The following SLAIN2 variants were observed in gnomAD, a reference collection of about 807,000 sequenced individuals.
SLAIN2 encodes SLAIN motif-containing protein 2.
In SLAIN2, 31 loss-of-function variants were observed where a neutral mutation model predicts 56.6. The observed-to-expected ratio is 0.55, with a 90% confidence interval of 0.41 to 0.74. SLAIN2 has a LOEUF of 0.74. Ranked by LOEUF, SLAIN2 falls within the 30% of genes least tolerant of loss-of-function variation. The pLI is 0.00. For synonymous variants in SLAIN2, 317 were observed against 284.9 expected, an observed-to-expected ratio of 1.11 and a Z score of -1.13; for missense variants, 777 against 754.2, an observed-to-expected ratio of 1.03 and a Z score of -0.35.
At chr4:48,404,019 T>G (rs1245166774) in intron 6 of SLAIN2, among the ~76,000 whole-genome samples, 2 of 152,210 alleles carry the variant, frequency 1.3e-5, no homozygotes, top group Admixed American at 1.3e-4. Context: ...GGGGCTCTCC[T>G]GGCTCCATGC....
intron 1 of SLAIN2, among the ~76,000 whole-genome samples, chr4:48,363,944 C>G (rs1413954816): frequency 5.9e-5 from 7 of 118,072 alleles, no homozygotes; most frequent in Admixed American, 5.6e-4. Flanking sequence ...CACCTCCCTC[C>G]CGGACGGGGC....
Position 48,426,172 on chromosome 4 carries a change from T to G in SLAIN2, c.*4095T>G, listed in dbSNP as rs1198620462. 1.3e-5 allele frequency: 2 copies of G among 152,034 alleles called. No homozygotes were observed. The highest frequency in any genetic ancestry group is 2.9e-5 in the Non-Finnish European group (2 of 67,984). 9.4% of individuals were successfully genotyped at this position (152,034 alleles called of 1,614,324 possible). On this transcript the variant is annotated 3_prime_UTR_variant, in exon 8 of 8. Transcript: ENST00000264313. ...TTTTTTTTTTTAAGGAGAAAATGTTTCTTTTAAATAAATGTTTCTTATGTA... is the reference window on the plus strand; with the variant it reads ...TTTTTTTTTTTAAGGAGAAAATGTTGCTTTTAAATAAATGTTTCTTATGTA...
rs1367935143 is a variant in SLAIN2 at position 48,342,645 on chromosome 4, A to G, written c.389+517A>G. On this transcript the variant is annotated intron_variant, in intron 1 of 7. Coordinates refer to ENST00000264313, the MANE Select transcript of SLAIN2 (RefSeq NM_020846.2). ...CGGGGATGGGGAGACCGTATGAATC[A>G]GCACTCCCCTTTGGGTAGTGGGGTA... Among the ~76,000 whole-genome samples the G allele has an allele frequency of 5.4e-5, 8 of 147,472 alleles. 1 individual carries two copies. Among genetic ancestry groups the G allele is most frequent in the Non-Finnish European group, 1.5e-5 (1 of 67,052 alleles).
In SLAIN2 at chr4:48,420,182, A is replaced by C; in HGVS notation, c.1418A>C (p.Gln473Pro). Residue 473 changes from glutamine to proline, a missense_variant, in exon 7 of 8, where the codon CAA becomes CCA. Gln to Pro is a moderately conservative substitution (Grantham distance 76). Transcript: ENST00000264313. The stretch of plus-strand genomic sequence containing the variant: ...GCACCATCTCCTTTGGCTCTTCGGC[A>C]ACCAGTGAAAGCATTTAGTAACCAT... ...PAAPSPLALR[Q>P]PVKAFSNHGS... is the part of the protein sequence containing the mutation. 1 of 1,613,988 alleles carries C rather than the reference A, an allele frequency of 6.2e-7. No homozygotes were observed. Among genetic ancestry groups the C allele is most frequent in the South Asian group, 1.1e-5 (1 of 91,084 alleles).
chr4:48,395,810 C>CTTTTT (rs10649464), intron 6 of SLAIN2, among the ~76,000 whole-genome samples: 23,783 of 72,118 alleles, frequency 0.33, 4,361 homozygotes, highest in African/African-American at 0.43. Context: ...GAACCTTAGG[C>CTTTTT]TTTTTTTTTT....
At chr4:48,376,486 G>A (rs1340783057) in intron 2 of SLAIN2, among the ~76,000 whole-genome samples, 2 of 148,614 alleles carry the variant, frequency 1.3e-5, no homozygotes, top group African/African-American at 4.9e-5. Context: ...ATTGAAGGAA[G>A]AAATAGTATT....
At position 48,341,885 on chromosome 4, in the gene SLAIN2, C is replaced by T. The variant is rs963786237; in HGVS notation, c.146C>T (p.Pro49Leu). 1 of 1,513,936 alleles carries T rather than the reference C, an allele frequency of 6.6e-7. No individual in the cohort carries two copies. The highest frequency in any genetic ancestry group is 8.8e-7 in the Non-Finnish European group (1 of 1,132,084). The allele number at this position is 1,513,936 out of a possible 1,614,324, so 93.8% of individuals were successfully genotyped here. A position where few individuals can be genotyped will look rare whatever the true frequency, so the allele number is the denominator to read the frequency against. The change falls in exon 1 of 8, where the codon CCG becomes CTG. Residue 49 changes from proline (P) to leucine (L), a missense_variant. Physicochemically the swap from Pro to Leu is moderately conservative, Grantham distance 98 (BLOSUM62 -3). Coordinates refer to ENST00000264313, the MANE Select transcript of SLAIN2 (RefSeq NM_020846.2). ...QGAGSLGPGS[P>L]VRAGASIPSS... ...GCCGGCTCCCTTGGGCCCGGCAGCC[C>T]GGTTCGGGCCGGCGCGTCCATTCCC...
chr4:48,365,421 C>T (rs536733370), intron 1 of SLAIN2, among the ~76,000 whole-genome samples: 66 of 124,974 alleles, frequency 5.3e-4, no homozygotes, highest in Non-Finnish European at 8.9e-4. Flanking sequence ...GAGCCGAGAT[C>T]GCAACAGAGC....
At chr4:48,360,292 C>T (rs1305062788) in intron 1 of SLAIN2, among the ~76,000 whole-genome samples, 1 of 151,814 alleles carries the variant, frequency 6.6e-6, no homozygotes, top group Admixed American at 6.6e-5. Flanking sequence ...AAAATGCACA[C>T]GTTTAAAGTG....
At chr4:48,370,283 CTA>C (rs1268488499) in intron 2 of SLAIN2, among the ~76,000 whole-genome samples, 2 of 152,136 alleles carry the variant, frequency 1.3e-5, no homozygotes, top group Non-Finnish European at 2.9e-5. Context: ...AGTTAAATAA[CTA>C]TTAAAATATA....
chr4:48,382,111 C>A (rs1239227687), intron 4 of SLAIN2, among the ~76,000 whole-genome samples: 1 of 152,132 alleles, frequency 6.6e-6, no homozygotes, highest in Non-Finnish European at 1.5e-5. Flanking sequence ...TTCTTTGGTA[C>A]TTTATCATCT....
intron 1 of SLAIN2, among the ~76,000 whole-genome samples, chr4:48,351,533 C>CA (rs946638036): frequency 1.3e-5 from 2 of 152,042 alleles, no homozygotes; most frequent in African/African-American, 2.4e-5. Context: ...AAGCAAAACC[C>CA]AAAAAACTGA....
At chr4:48,381,727 T>C (rs1715977452) in intron 4 of SLAIN2, among the ~76,000 whole-genome samples, 1 of 152,216 alleles carries the variant, frequency 6.6e-6, no homozygotes, top group South Asian at 2.1e-4. Context: ...TACATGACTT[T>C]AGGATTTGAA....
intron 1 of SLAIN2, among the ~76,000 whole-genome samples, chr4:48,352,001 T>C (rs2109736006): frequency 6.6e-6 from 1 of 152,334 alleles, no homozygotes; most frequent in Middle Eastern, 3.4e-3. Context: ...TGTGAAGATC[T>C]TAACTAAAGG....
Position 48,369,845 on chromosome 4 carries a change from C to G in SLAIN2, c.390-4C>G. ...ATTTTCTGTTTTTTGTTGTCTTCTTCTAGGCTGTATTCATCACCAAAGAAA... is the reference window on the plus strand; with the variant it reads ...ATTTTCTGTTTTTTGTTGTCTTCTTGTAGGCTGTATTCATCACCAAAGAAA... On this transcript the variant is annotated splice_region_variant and splice_polypyrimidine_tract_variant and intron_variant, in intron 1 of 7. Coordinates refer to ENST00000264313, the MANE Select transcript of SLAIN2 (RefSeq NM_020846.2). 6.2e-7 allele frequency: 1 copy of G among 1,609,980 alleles called. No individual in the cohort carries two copies. The highest frequency in any genetic ancestry group is 8.5e-7 in the Non-Finnish European group (1 of 1,178,484).
At position 48,362,232 on chromosome 4, in the gene SLAIN2, C is replaced by T. The variant is rs187488823; in HGVS notation, c.390-7617C>T. 1.6e-3 allele frequency among the ~76,000 whole-genome samples: 246 copies of T among 151,618 alleles called. 2 individuals carry two copies. The highest frequency in any genetic ancestry group is 5.3e-3 in the African/African-American group (219 of 41,310). On this transcript the variant is annotated intron_variant, in intron 1 of 7. Transcript: ENST00000264313. ...ATCTTGTTCCTAGTCTTAGGAGAAA[C>T]TATTTGGTCTTTTACCATTAAGTCT... is the stretch of plus-strand genomic sequence containing the variant.
At chr4:48,391,762 C>A (rs939898367) in intron 6 of SLAIN2, among the ~76,000 whole-genome samples, 2 of 151,826 alleles carry the variant, frequency 1.3e-5, no homozygotes, top group African/African-American at 4.8e-5. Flanking sequence ...GTAAAGGAAG[C>A]GATAGATTTA....
chr4:48,391,741 A>G (rs1168953714), intron 6 of SLAIN2, among the ~76,000 whole-genome samples: 1 of 152,190 alleles, frequency 6.6e-6, no homozygotes, highest in African/African-American at 2.4e-5. Flanking sequence ...TATTTAGGAG[A>G]CAACAGGAAT....
intron 1 of SLAIN2, among the ~76,000 whole-genome samples, chr4:48,362,371 A>T (rs1360416259): frequency 6.6e-6 from 1 of 151,514 alleles, no homozygotes; most frequent in Non-Finnish European, 1.5e-5. Flanking sequence ...GAAGGTTTTT[A>T]AATTTATTTA....
Sources: gnomAD v4.1 joint callset for allele counts (sites outside exome capture counted in the v4.1 genomes callset) on GRCh38, gnomAD v4.1.1 for gene constraint, MANE v1.5 for transcripts, NCBI Gene and HGNC (gene_info 2026-07-23, HGNC 2026-07-21) for gene names.